CKS1B: variants seen among roughly 807,000 people sequenced by gnomAD.
The protein encoded by CKS1B is cyclin-dependent kinases regulatory subunit 1.
A neutral mutation model predicts 12.2 loss-of-function variants in CKS1B; 5 were observed. The ratio of observed to expected loss-of-function variants is 0.41; its 90% CI spans 0.21 to 0.86. The LOEUF (loss-of-function observed/expected upper bound fraction) is 0.86. CKS1B is among the 40% of genes least tolerant of loss of function. The pLI is 0.32. For synonymous variants in CKS1B, 24 were observed against 34.4 expected, an observed-to-expected ratio of 0.70 and a Z score of 1.06; for missense variants, 53 against 99.9, an observed-to-expected ratio of 0.53 and a Z score of 2.00.
chr1:154,978,120 TGCACTGGC>T lies in CKS1B; in HGVS notation c.187+7_187+14del. On this transcript the variant is annotated splice_region_variant and intron_variant, in intron 2 of 2. Transcript: ENST00000308987. Reference sequence around the variant, plus strand: ...TTATATGATCCATGAACCAGGTCAGTGCACTGGCTAAAAACAACCATATAGAACTGCTA... The same window carrying T: ...TTATATGATCCATGAACCAGGTCAGTTAAAAACAACCATATAGAACTGCTA... 6.2e-7 allele frequency: 1 copy of T among 1,613,622 alleles called. No homozygotes were observed. The highest frequency in any genetic ancestry group is 1.3e-5 in the African/African-American group (1 of 75,024).
rs537411218 is a variant in CKS1B, at chr1:154,975,609, G to A, written c.59+805G>A. 8 of 155,154 alleles carry A rather than the reference G, an allele frequency of 5.2e-5. No individual in the cohort carries two copies. The Middle Eastern group carries it at 1.6e-3, about 30-fold the overall frequency. The allele number at this position is 155,154 out of a possible 1,614,324, so 9.6% of individuals were successfully genotyped here. On this transcript the variant is annotated intron_variant, in intron 1 of 2. Coordinates refer to ENST00000308987, the MANE Select transcript of CKS1B (RefSeq NM_001826.3). ...ACCCGAAGGCTGCGGCTTCCTAGCT[G>A]TGAGCGGGGGTTGAGGTGGGGCTAG...
chr1:154,978,569 A>T, intron 2 of CKS1B, 156 bp from the exon 3 acceptor site: 1 of 646,856 alleles, frequency 1.5e-6, no homozygotes, highest in Non-Finnish European at 2.7e-6. Context: ...CAGACAGTCC[A>T]GACTTCTGGG....
rs780014663 is a variant in CKS1B, at chr1:154,974,704, A to G, written c.-42A>G. On this transcript the variant is annotated 5_prime_UTR_variant, in exon 1 of 3. Coordinates refer to ENST00000308987, the MANE Select transcript of CKS1B (RefSeq NM_001826.3). ...GCGCGTGCTGTTGGGAGTTGCTTGG[A>G]GGTTGGCGGCGCGGGGCTGAAGGCT... 6.4e-7 allele frequency: 1 copy of G among 1,559,306 alleles called. No homozygotes were observed. Among genetic ancestry groups the G allele is most frequent in the Non-Finnish European group, 8.7e-7 (1 of 1,151,576 alleles).
intron 1 of CKS1B, chr1:154,975,145 C>T (rs868661075): frequency 1.1e-4 from 67 of 600,878 alleles, no homozygotes; most frequent in African/African-American, 4.6e-4. Context: ...TCACAGTAAT[C>T]TTGTCGAATC....
rs567925189 is a variant in CKS1B, at chr1:154,975,001, T to A, written c.59+197T>A. 2.0e-6 allele frequency: 3 copies of A among 1,507,670 alleles called. No homozygotes were observed. In the East Asian group the frequency reaches 6.8e-5, roughly 34 times the overall value. The allele number at this position is 1,507,670 out of a possible 1,614,324, so 93.4% of individuals were successfully genotyped here. On this transcript the variant is annotated intron_variant, in intron 1 of 2. Transcript: ENST00000308987. ...GCTCGTAAAACAAAGTGGTTGCGAA[T>A]TTGGAGTCGCCTCTCAGTAGAGAGG...
At position 154,979,211 on chromosome 1, in the gene CKS1B, G is replaced by A. The variant is rs1414582254; in HGVS notation, c.*434G>A. On this transcript the variant is annotated 3_prime_UTR_variant, in exon 3 of 3. Coordinates refer to ENST00000308987, the MANE Select transcript of CKS1B (RefSeq NM_001826.3). ...CATTTTATTCAAGAAATCTGTTCAT[G>A]TTAAAAGCCTTGATTAAAGAGGAAG... The A allele has an allele frequency of 5.9e-6, 1 of 169,714 alleles. No individual in the cohort carries two copies. The highest frequency in any genetic ancestry group is 2.4e-5 in the African/African-American group (1 of 41,728). The allele number at this position is 169,714 out of a possible 1,614,324, so 10.5% of individuals were successfully genotyped here. A position where few individuals can be genotyped will look rare whatever the true frequency, so the allele number is the denominator to read the frequency against.
At chr1:154,974,948 G>C (rs374024508) in intron 1 of CKS1B, 144 bp downstream of exon 1, 10 of 1,612,976 alleles carry the variant, frequency 6.2e-6, no homozygotes, top group Middle Eastern at 1.7e-4. Flanking sequence ...TGTGGAAGGC[G>C]TAAGGCGCAT....
At chr1:154,977,851 C>A in intron 1 of CKS1B, 136 bp from the exon 2 acceptor site, 3 of 806,112 alleles carry the variant, frequency 3.7e-6, no homozygotes, top group Non-Finnish European at 3.8e-6. Context: ...CTGCTGCTAC[C>A]CCACAATAAA....
intron 1 of CKS1B, 87 bp downstream of exon 1, chr1:154,974,891 A>C: frequency 6.2e-7 from 1 of 1,614,030 alleles, no homozygotes; most frequent in Non-Finnish European, 8.5e-7. Context: ...CTGAGGCGAT[A>C]GAATTGGCGC....
In CKS1B at chr1:154,975,022, AGAG is replaced by A. The variant is rs748184646; in HGVS notation, c.59+222_59+224del. Reference sequence around the variant, plus strand: ...CGAATTTGGAGTCGCCTCTCAGTAGAGAGGAGAGAGGGGTGGGCGTGGTTAGGG... The same window carrying A: ...CGAATTTGGAGTCGCCTCTCAGTAGAGAGAGAGGGGTGGGCGTGGTTAGGG... On this transcript the variant is annotated intron_variant, in intron 1 of 2. Transcript: ENST00000308987. 1.8e-4 allele frequency: 232 copies of A among 1,254,626 alleles called. No homozygotes were observed. The Middle Eastern group carries it at 7.4e-3, about 40-fold the overall frequency. 77.7% of individuals were successfully genotyped at this position (1,254,626 alleles called of 1,614,324 possible). A position where few individuals can be genotyped will look rare whatever the true frequency, so the allele number is the denominator to read the frequency against.
In CKS1B at chr1:154,979,154, C is replaced by T. The variant is rs984455507; in HGVS notation, c.*377C>T. On this transcript the variant is annotated 3_prime_UTR_variant, in exon 3 of 3. Transcript: ENST00000308987. Reference sequence around the variant, plus strand: ...CGGGTGTTGTATGTGTGGTGACTTGCGGATTTATGTTTCAGTGTACTGGAA... The same window carrying T: ...CGGGTGTTGTATGTGTGGTGACTTGTGGATTTATGTTTCAGTGTACTGGAA... The T allele has an allele frequency of 5.1e-5, 10 of 197,758 alleles. No individual in the cohort carries two copies. Among genetic ancestry groups the T allele is most frequent in the Non-Finnish European group, 7.3e-5 (7 of 95,826 alleles). The allele number at this position is 197,758 out of a possible 1,614,324, so 12.3% of individuals were successfully genotyped here. A position where few individuals can be genotyped will look rare whatever the true frequency, so the allele number is the denominator to read the frequency against.
rs150349489 is a variant in CKS1B, at chr1:154,978,020, G to A, written c.93G>A (p.Leu31=). The part of the protein sequence containing the change: ...HVMLPKDIAK[L]VPKTHLMSES... The stretch of plus-strand genomic sequence containing the variant: ...TGCTGCCCAAGGACATAGCCAAGCT[G>A]GTCCCTAAAACCCATCTGATGTCTG... The change falls in exon 2 of 3, where the codon CTG becomes CTA. Residue 31 remains leucine, a synonymous_variant. Coordinates refer to ENST00000308987, the MANE Select transcript of CKS1B (RefSeq NM_001826.3). The A allele has an allele frequency of 7.3e-4, 1,172 of 1,613,896 alleles. 21 individuals carry two copies. The East Asian group carries it at 0.018, about 25-fold the overall frequency.
intron 2 of CKS1B, 144 bp downstream of exon 2, chr1:154,978,258 A>C (rs1336568728): frequency 8.0e-6 from 7 of 873,894 alleles, no homozygotes; most frequent in African/African-American, 1.7e-5. Flanking sequence ...TTTAAAAAAA[A>C]ACTAGTGACC....
chr1:154,978,195 G>T, intron 2 of CKS1B, 81 bp downstream of exon 2: 1 of 1,383,088 alleles, frequency 7.2e-7, no homozygotes. Context: ...ACCCAAATAG[G>T]GAGATAGGAA....
At chr1:154,977,535 C>T (rs181252778) in intron 1 of CKS1B, 139 of 154,006 alleles carry the variant, frequency 9.0e-4, no homozygotes, top group Non-Finnish European at 1.8e-3. Flanking sequence ...TTTGTGCCAC[C>T]ATGCCTGGCT....
At chr1:154,978,512 C>T in intron 2 of CKS1B, 1 of 590,616 alleles carries the variant, frequency 1.7e-6, no homozygotes, top group South Asian at 2.2e-5. Flanking sequence ...CACCCTGGGG[C>T]TGTATAAACA....
chr1:154,974,830 C>A, intron 1 of CKS1B, 26 bp downstream of exon 1: 6 of 1,613,910 alleles, frequency 3.7e-6, no homozygotes, highest in Non-Finnish European at 5.1e-6. Flanking sequence ...GGAGCAATAG[C>A]GAGGGTCGTG....
chr1:154,978,398 T>C (rs941443789), intron 2 of CKS1B: 3 of 539,968 alleles, frequency 5.6e-6, no homozygotes, highest in Non-Finnish European at 9.7e-6. Context: ...CCCTGCCTCA[T>C]TCTCCATCGA....
intron 1 of CKS1B, chr1:154,977,780 T>A: frequency 1.9e-6 from 1 of 531,158 alleles, no homozygotes. Flanking sequence ...ACTGGAATTA[T>A]TCACTAATTT....
Sources: allele counts gnomAD v4.1 joint callset, GRCh38; gene constraint gnomAD v4.1.1; transcripts MANE v1.5; gene names NCBI Gene and HGNC (gene_info 2026-07-23, HGNC 2026-07-21).